The following RASAL2 variants were observed in gnomAD, a reference collection of about 807,000 sequenced individuals.
RASAL2 encodes RAS protein activator like 2.
In RASAL2, 58 loss-of-function variants were observed where a neutral mutation model predicts 128.9. That is an observed-to-expected ratio of 0.45 (90% CI 0.36 to 0.56). RASAL2 has a LOEUF of 0.56. Among genes scored for constraint, RASAL2 ranks in the 20% least tolerant of loss-of-function variants. RASAL2 has a pLI of 0.00. For synonymous variants in RASAL2, 561 were observed against 580.8 expected, an observed-to-expected ratio of 0.97 and a Z score of 0.49; for missense variants, 1,360 against 1,601.6, an observed-to-expected ratio of 0.85 and a Z score of 2.57.
chr1:178,315,080 A>G (rs1436322769), intron 3 of RASAL2, among the ~76,000 whole-genome samples: 5 of 146,142 alleles, frequency 3.4e-5, no homozygotes, highest in Non-Finnish European at 7.5e-5. Flanking sequence ...GAGAATGATG[A>G]TTTCCAATTT....
intron 1 of RASAL2, among the ~76,000 whole-genome samples, chr1:178,268,284 A>G (rs980413100): frequency 2.0e-5 from 3 of 152,280 alleles, no homozygotes; most frequent in Non-Finnish European, 2.9e-5. Context: ...CCTGGCCAAC[A>G]TGGTGAAACC....
intron 2 of RASAL2, among the ~76,000 whole-genome samples, chr1:178,288,752 G>A (rs1474611313): frequency 4.1e-5 from 6 of 144,654 alleles, no homozygotes; most frequent in African/African-American, 1.5e-4. Context: ...CTGGGTTCAA[G>A]CGATTCTCCT....
At chr1:178,333,869 A>T (rs780357676) in intron 3 of RASAL2, among the ~76,000 whole-genome samples, 1 of 152,210 alleles carries the variant, frequency 6.6e-6, no homozygotes, top group Admixed American at 6.5e-5. Flanking sequence ...TTTTGTCTGT[A>T]GTTTCAGCAG....
chr1:178,472,852 T>C (rs1648397456), intron 17 of RASAL2, among the ~76,000 whole-genome samples: 1 of 152,126 alleles, frequency 6.6e-6, no homozygotes, highest in African/African-American at 2.4e-5. Flanking sequence ...AGTCCTGCTA[T>C]GCTGAAAGAA....
chr1:178,128,660 C>G (rs914557263), intron 1 of RASAL2, among the ~76,000 whole-genome samples: 2 of 152,024 alleles, frequency 1.3e-5, no homozygotes, highest in Admixed American at 6.5e-5. Flanking sequence ...TTCCATTATT[C>G]CCACAAATTC....
intron 3 of RASAL2, among the ~76,000 whole-genome samples, chr1:178,328,876 T>C (rs1004989704): frequency 8.5e-5 from 13 of 152,184 alleles, no homozygotes; most frequent in East Asian, 1.9e-4. Flanking sequence ...GAGTGACTTA[T>C]AAATACTAAC....
chr1:178,332,871 G>A (rs1427903982), intron 3 of RASAL2, among the ~76,000 whole-genome samples: 1 of 151,846 alleles, frequency 6.6e-6, no homozygotes, highest in Non-Finnish European at 1.5e-5. Flanking sequence ...CAAAGTGCTG[G>A]GATTACAGGC....
chr1:178,363,515 C>T (rs971443419), intron 3 of RASAL2, among the ~76,000 whole-genome samples: 7 of 152,182 alleles, frequency 4.6e-5, no homozygotes, highest in African/African-American at 1.7e-4. Flanking sequence ...TTATCCGGTA[C>T]CACACGTCCA....
chr1:178,107,589 A>G (rs1353099210), intron 1 of RASAL2, among the ~76,000 whole-genome samples: 2 of 152,142 alleles, frequency 1.3e-5, no homozygotes, highest in Non-Finnish European at 2.9e-5. Flanking sequence ...AAATGTTTTC[A>G]TCATCTTCAA....
intron 3 of RASAL2, among the ~76,000 whole-genome samples, chr1:178,381,881 G>A (rs1571967347): frequency 6.6e-6 from 1 of 152,120 alleles, no homozygotes; most frequent in East Asian, 1.9e-4. Flanking sequence ...GGCCCTATCT[G>A]TAGATTAGAA....
intron 3 of RASAL2, among the ~76,000 whole-genome samples, chr1:178,309,045 G>A (rs1668121179): frequency 6.6e-6 from 1 of 152,056 alleles, no homozygotes; most frequent in Non-Finnish European, 1.5e-5. Context: ...AATAATGTCT[G>A]TGTATGGTAG....
intron 5 of RASAL2, among the ~76,000 whole-genome samples, chr1:178,438,490 A>T (rs1448507815): frequency 6.6e-6 from 1 of 151,904 alleles, no homozygotes; most frequent in Non-Finnish European, 1.5e-5. Context: ...TAGATACTAT[A>T]ATTATTGAGT....
chr1:178,170,029 C>T (rs951240281), intron 1 of RASAL2, among the ~76,000 whole-genome samples: 2 of 151,930 alleles, frequency 1.3e-5, no homozygotes, highest in Non-Finnish European at 2.9e-5. Flanking sequence ...TCTCTATCCT[C>T]CCCATTCTCA....
chr1:178,106,501 G>C (rs1395735502), intron 1 of RASAL2, among the ~76,000 whole-genome samples: 1 of 152,158 alleles, frequency 6.6e-6, no homozygotes, highest in Non-Finnish European at 1.5e-5. Context: ...TCAACGTATG[G>C]ACCTTGAATA....
At chr1:178,334,466 G>A (rs532705217) in intron 3 of RASAL2, among the ~76,000 whole-genome samples, 50 of 151,726 alleles carry the variant, frequency 3.3e-4, no homozygotes, top group Admixed American at 2.9e-3. Flanking sequence ...AGCCTCCCAA[G>A]TAGCTGGGAT....
chr1:178,156,428 T>C (rs1661086542), intron 1 of RASAL2, among the ~76,000 whole-genome samples: 1 of 152,198 alleles, frequency 6.6e-6, no homozygotes, highest in Admixed American at 6.5e-5. Flanking sequence ...ATGGACTCCT[T>C]ATAAACAGTA....
intron 16 of RASAL2, among the ~76,000 whole-genome samples, chr1:178,466,454 A>G (rs1244610937): frequency 3.3e-5 from 5 of 152,198 alleles, no homozygotes; most frequent in African/African-American, 1.2e-4. Flanking sequence ...GTCCAGAAAC[A>G]TGGAAAGGAA....
At chr1:178,205,086 C>A (rs1243691674) in intron 1 of RASAL2, among the ~76,000 whole-genome samples, 2 of 152,164 alleles carry the variant, frequency 1.3e-5, no homozygotes, top group Non-Finnish European at 2.9e-5. Flanking sequence ...CTCAGTGCAA[C>A]CTCCACCTCC....
intron 1 of RASAL2, among the ~76,000 whole-genome samples, chr1:178,249,502 G>C (rs776342185): frequency 1.3e-5 from 2 of 151,922 alleles, no homozygotes; most frequent in Non-Finnish European, 2.9e-5. Flanking sequence ...CTTTAGCTCA[G>C]AGGAGTTTGT....
Sources: allele counts gnomAD v4.1 joint callset (sites outside exome capture counted in the v4.1 genomes callset), GRCh38; gene constraint gnomAD v4.1.1; transcripts MANE v1.5; gene names NCBI Gene and HGNC (gene_info 2026-07-23, HGNC 2026-07-21).